The following UBE3A variants were observed in gnomAD, a reference collection of about 807,000 sequenced individuals.
The protein encoded by UBE3A is ubiquitin protein ligase E3A.
Under a neutral mutation model 83.4 loss-of-function variants are expected in UBE3A, and 6 were observed. The observed-to-expected ratio is 0.07, with a 90% CI of 0.04 to 0.14. UBE3A has a LOEUF of 0.14. UBE3A is among the 10% of genes least tolerant of loss of function. The pLI, the probability that UBE3A is intolerant of heterozygous loss-of-function variation, is 1.00. For synonymous variants in UBE3A, 337 were observed against 355.4 expected, an observed-to-expected ratio of 0.95 and a Z score of 0.58; for missense variants, 456 against 1,036.1, an observed-to-expected ratio of 0.44 and a Z score of 7.69.
intron 4 of UBE3A, among the ~76,000 whole-genome samples, chr15:25,398,161 C>A: frequency 9.5e-6 from 1 of 105,034 alleles, no homozygotes; most frequent in Admixed American, 1.2e-4. Context: ...AAGCAAGACT[C>A]TGTCTCAAAA....
intron 4 of UBE3A, among the ~76,000 whole-genome samples, chr15:25,394,738 A>G (rs2085166033): frequency 6.6e-6 from 1 of 152,204 alleles, no homozygotes; most frequent in Non-Finnish European, 1.5e-5. Flanking sequence ...GTTTATATAT[A>G]TACATAAACT....
intron 4 of UBE3A, among the ~76,000 whole-genome samples, chr15:25,398,167 CAAAAAAAAAA>C (rs71127052): frequency 5.0e-5 from 5 of 99,210 alleles, no homozygotes; most frequent in African/African-American, 2.7e-4. Flanking sequence ...GACTCTGTCT[CAAAAAAAAAA>C]AAAAAAAAAA....
intron 1 of UBE3A, among the ~76,000 whole-genome samples, chr15:25,433,148 A>C (rs1259727526): frequency 6.6e-6 from 1 of 152,082 alleles, no homozygotes; most frequent in Non-Finnish European, 1.5e-5. Flanking sequence ...CATATTTAAA[A>C]TGAATTCACA....
Position 25,335,492 on chromosome 15 carries a change from G to A in UBE3A, c.*3645C>T, listed in dbSNP as rs545708489. ...AATTAGGCAGCTGCTAAGAATGTCCGGGTGAGTCAGAGGATCAGGACCTGT... is the reference window on the plus strand; with the variant it reads ...AATTAGGCAGCTGCTAAGAATGTCCAGGTGAGTCAGAGGATCAGGACCTGT... On this transcript the variant is annotated 3_prime_UTR_variant, in exon 13 of 13. Coordinates refer to ENST00000648336, the MANE Select transcript of UBE3A (RefSeq NM_130839.5). 1 of 152,146 alleles carries A rather than the reference G, an allele frequency of 6.6e-6. No individual in the cohort carries two copies. Among genetic ancestry groups the A allele is most frequent in the African/African-American group, 2.4e-5 (1 of 41,390 alleles). 9.4% of individuals were successfully genotyped at this position (152,146 alleles called of 1,614,324 possible).
intron 1 of UBE3A, among the ~76,000 whole-genome samples, chr15:25,429,869 G>C (rs1161505210): frequency 6.7e-6 from 1 of 149,602 alleles, no homozygotes; most frequent in Non-Finnish European, 1.5e-5. Flanking sequence ...GCCGGGCGTG[G>C]TAGTGCACAC....
chr15:25,336,836 A>AAAAT lies in UBE3A; in HGVS notation c.*2297_*2300dup, dbSNP rs1343358224. 1 of 152,214 alleles carries AAAAT rather than the reference A, an allele frequency of 6.6e-6. No individual in the cohort carries two copies. The highest frequency in any genetic ancestry group is 1.5e-5 in the Non-Finnish European group (1 of 68,020). 9.4% of individuals were successfully genotyped at this position (152,214 alleles called of 1,614,324 possible). A position where few individuals can be genotyped will look rare whatever the true frequency, so the allele number is the denominator to read the frequency against. ...ATTGAGGTCTAATTCAAAGAAAACC[A>AAAAT]AAATATATAATAGAGTACCTGGGCA... On this transcript the variant is annotated 3_prime_UTR_variant, in exon 13 of 13. Transcript: ENST00000648336.
At position 25,405,452 on chromosome 15, in the gene UBE3A, T is replaced by C. The variant is rs2153049609; in HGVS notation, c.62+9A>G. ...ATAAGAACCACAGTCTCAACCAAGT[T>C]ACACTTACATTCGGCTAGCTTCAAT... is the stretch of plus-strand genomic sequence containing the variant. On this transcript the variant is annotated intron_variant, in intron 4 of 12. Transcript: ENST00000648336. 6.2e-7 allele frequency: 1 copy of C among 1,613,884 alleles called. No individual in the cohort carries two copies. Among genetic ancestry groups the C allele is most frequent in the Non-Finnish European group, 8.5e-7 (1 of 1,179,852 alleles).
intron 4 of UBE3A, among the ~76,000 whole-genome samples, chr15:25,384,043 T>C (rs1274888284): frequency 6.6e-6 from 1 of 152,130 alleles, no homozygotes; most frequent in Admixed American, 6.5e-5. Context: ...CATTTCTAAA[T>C]ACTAAAAATG....
chr15:25,401,322 T>G (rs529275906), intron 4 of UBE3A, among the ~76,000 whole-genome samples: 1 of 152,318 alleles, frequency 6.6e-6, no homozygotes, highest in East Asian at 1.9e-4. Flanking sequence ...TCTCCCAAAA[T>G]GAGTTTGAAA....
intron 6 of UBE3A, among the ~76,000 whole-genome samples, chr15:25,368,988 C>T (rs1365657839): frequency 6.6e-6 from 1 of 152,108 alleles, no homozygotes; most frequent in Non-Finnish European, 1.5e-5. Flanking sequence ...GAAGGGATCT[C>T]ACCTCAAGAA....
chr15:25,360,284 T>C (rs1566911680), intron 7 of UBE3A, 99 bp downstream of exon 7: 2 of 1,530,020 alleles, frequency 1.3e-6, no homozygotes, highest in East Asian at 4.7e-5. Context: ...ATCCTTCTTT[T>C]GCTGCTCTTC....
intron 4 of UBE3A, among the ~76,000 whole-genome samples, chr15:25,388,140 CCAGA>C (rs761476761): frequency 2.0e-5 from 3 of 152,098 alleles, no homozygotes; most frequent in Non-Finnish European, 4.4e-5. Context: ...AATACCCAAA[CCAGA>C]CAAAGACATT....
At chr15:25,398,795 ATATATATATATATATATAT>A (rs1172592376) in intron 4 of UBE3A, among the ~76,000 whole-genome samples, 4 of 81,476 alleles carry the variant, frequency 4.9e-5, no homozygotes, top group African/African-American at 1.3e-4. Context: ...ATATATATAT[ATATATATATATATATATAT>A]AAAAATACAT....
chr15:25,405,295 TAG>T (rs370103931), intron 4 of UBE3A, among the ~76,000 whole-genome samples, 164 bp downstream of exon 4: 2 of 152,316 alleles, frequency 1.3e-5, no homozygotes, highest in African/African-American at 4.8e-5. Flanking sequence ...TACCGAGGTT[TAG>T]AGTTATCTGA....
intron 5 of UBE3A, among the ~76,000 whole-genome samples, chr15:25,372,713 A>AT (rs1279956627): frequency 1.3e-5 from 2 of 152,204 alleles, no homozygotes; most frequent in African/African-American, 4.8e-5. Context: ...ACTGACCAAC[A>AT]TAATACTGAG....
At chr15:25,398,087 T>G (rs1223838692) in intron 4 of UBE3A, among the ~76,000 whole-genome samples, 1 of 146,568 alleles carries the variant, frequency 6.8e-6, no homozygotes, top group Non-Finnish European at 1.5e-5. Context: ...GAGAATCATT[T>G]GAACCCAGGA....
chr15:25,360,556 G>T, intron 6 of UBE3A, 29 bp from the exon 7 acceptor site: 1 of 1,609,722 alleles, frequency 6.2e-7, no homozygotes, highest in Non-Finnish European at 8.5e-7. Context: ...AACATGAAAA[G>T]AAGATGATTG....
At position 25,356,635 on chromosome 15, in the gene UBE3A, TTTTGC is replaced by T; in HGVS notation, c.1959+51_1959+55del. ...TTTAAAATTTTGACATAAATTAAAT[TTTTGC>T]ATTTAAATAAAATCTAAGAGACTGA... On this transcript the variant is annotated intron_variant, in intron 8 of 12. Transcript: ENST00000648336. 3 of 1,531,662 alleles carry T rather than the reference TTTTGC, an allele frequency of 2.0e-6. No individual in the cohort carries two copies. The Admixed American group carries it at 5.3e-5, about 27-fold the overall frequency. The allele number at this position is 1,531,662 out of a possible 1,614,324, so 94.9% of individuals were successfully genotyped here. A position where few individuals can be genotyped will look rare whatever the true frequency, so the allele number is the denominator to read the frequency against.
At chr15:25,428,476 G>A (rs924704593) in intron 1 of UBE3A, among the ~76,000 whole-genome samples, 4 of 152,240 alleles carry the variant, frequency 2.6e-5, no homozygotes, top group Non-Finnish European at 4.4e-5. Flanking sequence ...ACAATGGGCA[G>A]GATTTTATAT....
Sources: gnomAD v4.1 joint callset for allele counts (sites outside exome capture counted in the v4.1 genomes callset) on GRCh38, gnomAD v4.1.1 for gene constraint, MANE v1.5 for transcripts, NCBI Gene and HGNC (gene_info 2026-07-23, HGNC 2026-07-21) for gene names.